GALNT17: variants seen among roughly 807,000 people sequenced by gnomAD.
GALNT17 encodes polypeptide N-acetylgalactosaminyltransferase 17.
In GALNT17, 29 loss-of-function variants were observed where a neutral mutation model predicts 63.7. The observed-to-expected ratio is 0.46, with a 90% confidence interval of 0.34 to 0.62. The LOEUF is 0.62. GALNT17 is among the 20% of genes least tolerant of loss of function. The pLI, the probability that GALNT17 is intolerant of heterozygous loss-of-function variation, is 0.01. For synonymous variants in GALNT17, 305 were observed against 318.3 expected (o/e 0.96, Z 0.45); for missense variants, 603 against 799.6 (o/e 0.75, Z 2.97).
chr7:71,459,904 C>T (rs926044797), intron 5 of GALNT17, among the ~76,000 whole-genome samples: 1 of 152,162 alleles, frequency 6.6e-6, no homozygotes, highest in Non-Finnish European at 1.5e-5. Context: ...ATGAACATTT[C>T]CTTTCTATTA....
intron 5 of GALNT17, among the ~76,000 whole-genome samples, chr7:71,491,292 C>G (rs1358765106): frequency 6.6e-6 from 1 of 152,316 alleles, no homozygotes; most frequent in African/African-American, 2.4e-5. Flanking sequence ...CTTCATGGCA[C>G]TATTGAGTAG....
At chr7:71,604,737 C>T (rs1790021070) in intron 6 of GALNT17, among the ~76,000 whole-genome samples, 1 of 152,192 alleles carries the variant, frequency 6.6e-6, no homozygotes, top group African/African-American at 2.4e-5. Flanking sequence ...CCCAAGTCCT[C>T]TTCTGTACAA....
chr7:71,624,962 C>T (rs569443819), intron 6 of GALNT17, among the ~76,000 whole-genome samples: 25 of 152,152 alleles, frequency 1.6e-4, no homozygotes, highest in African/African-American at 4.8e-4. Flanking sequence ...CTCCACTGTA[C>T]GCTTGTAAGA....
chr7:71,170,412 C>T (rs959334603), intron 1 of GALNT17, among the ~76,000 whole-genome samples: 21 of 152,044 alleles, frequency 1.4e-4, no homozygotes, highest in African/African-American at 3.6e-4. Flanking sequence ...CTCGGCTCAC[C>T]GCAACCTCTG....
intron 1 of GALNT17, among the ~76,000 whole-genome samples, chr7:71,321,914 C>CCTTTCTTCCTTT (rs1563001177): frequency 4.4e-4 from 32 of 72,338 alleles, no homozygotes; most frequent in Admixed American, 7.7e-4. Flanking sequence ...TTCCTTCCTT[C>CCTTTCTTCCTTT]CTTCCTTCCC....
chr7:71,570,358 C>T (rs895238929), intron 5 of GALNT17, among the ~76,000 whole-genome samples: 8 of 152,126 alleles, frequency 5.3e-5, no homozygotes, highest in Non-Finnish European at 8.8e-5. Context: ...GAGTCTTCTC[C>T]CTTCTCTAAA....
intron 6 of GALNT17, among the ~76,000 whole-genome samples, chr7:71,660,170 C>T (rs1790885317): frequency 6.6e-6 from 1 of 152,150 alleles, no homozygotes; most frequent in Admixed American, 6.5e-5. Context: ...AATGGATGAG[C>T]GTCTGTTTCT....
chr7:71,451,832 C>G (rs1787267251), intron 5 of GALNT17, among the ~76,000 whole-genome samples: 1 of 151,930 alleles, frequency 6.6e-6, no homozygotes, highest in Non-Finnish European at 1.5e-5. Context: ...TTTTAAAAAC[C>G]AAATCAATTT....
At chr7:71,693,777 T>A (rs1310519747) in intron 9 of GALNT17, among the ~76,000 whole-genome samples, 1 of 150,438 alleles carries the variant, frequency 6.6e-6, no homozygotes, top group African/African-American at 2.4e-5. Context: ...AGTTTACCTG[T>A]GTAACAAACC....
chr7:71,596,051 T>C (rs1214360611), intron 6 of GALNT17, among the ~76,000 whole-genome samples: 3 of 152,192 alleles, frequency 2.0e-5, no homozygotes, highest in Non-Finnish European at 4.4e-5. Context: ...TTGTTGTTTC[T>C]TGTTTGAGAT....
chr7:71,386,880 T>C (rs1003276427), intron 2 of GALNT17, among the ~76,000 whole-genome samples: 2 of 152,176 alleles, frequency 1.3e-5, no homozygotes, highest in African/African-American at 4.8e-5. Flanking sequence ...TCTCCTGGAA[T>C]GTTAGCTCTG....
chr7:71,320,805 C>A (rs1043504485), intron 1 of GALNT17, among the ~76,000 whole-genome samples: 1 of 152,088 alleles, frequency 6.6e-6, no homozygotes. Flanking sequence ...CGTTTTTGTT[C>A]TGCCTTACTC....
chr7:71,601,149 T>C (rs1381373565), intron 6 of GALNT17, among the ~76,000 whole-genome samples: 4 of 152,032 alleles, frequency 2.6e-5, no homozygotes, highest in African/African-American at 7.2e-5. Context: ...ATATATGATA[T>C]ATATATCTAC....
chr7:71,476,312 C>T (rs528449320), intron 5 of GALNT17, among the ~76,000 whole-genome samples: 1 of 152,132 alleles, frequency 6.6e-6, no homozygotes, highest in East Asian at 1.9e-4. Context: ...GTTACCCTGC[C>T]CTTCCAGCTG....
At chr7:71,311,123 C>T (rs549834583) in intron 1 of GALNT17, among the ~76,000 whole-genome samples, 1 of 152,332 alleles carries the variant, frequency 6.6e-6, no homozygotes, top group African/African-American at 2.4e-5. Flanking sequence ...CTGCAGGAAG[C>T]TGGAAGGAGA....
At chr7:71,528,103 A>C (rs1329936180) in intron 5 of GALNT17, among the ~76,000 whole-genome samples, 1 of 152,216 alleles carries the variant, frequency 6.6e-6, no homozygotes, top group African/African-American at 2.4e-5. Flanking sequence ...GTACAGAATT[A>C]TCGAATGCCT....
chr7:71,670,246 T>TG, intron 8 of GALNT17, 137 bp downstream of exon 8: 4 of 1,177,646 alleles, frequency 3.4e-6, no homozygotes, highest in Non-Finnish European at 4.9e-6. Context: ...ATAGCAAGAT[T>TG]CTCTCTAGCT....
chr7:71,671,990 T>C (rs534066557), intron 8 of GALNT17, among the ~76,000 whole-genome samples: 3 of 140,000 alleles, frequency 2.1e-5, no homozygotes, highest in Non-Finnish European at 4.5e-5. Flanking sequence ...ATCGCGCCAC[T>C]GCACTCCAGC....
intron 1 of GALNT17, chr7:71,300,510 A>G (rs10263619): frequency 0.2 from 88,147 of 430,280 alleles, 9,716 homozygotes; most frequent in East Asian, 0.34. Flanking sequence ...GAGGTGGGTT[A>G]TTTTCTCATC....
Sources: gnomAD v4.1 joint callset for allele counts (sites outside exome capture counted in the v4.1 genomes callset) on GRCh38, gnomAD v4.1.1 for gene constraint, MANE v1.5 for transcripts, NCBI Gene and HGNC (gene_info 2026-07-23, HGNC 2026-07-21) for gene names.